Variants in DENND1B observed in about 807,000 individuals in gnomAD.
DENND1B encodes DENN domain containing 1B.
A neutral mutation model predicts 90.1 loss-of-function variants in DENND1B; 59 were observed. That is an observed-to-expected ratio of 0.65 (90% CI 0.53 to 0.81). The LOEUF (loss-of-function observed/expected upper bound fraction) is 0.81, where lower values mean the gene tolerates loss of function less well. Among genes scored for constraint, DENND1B ranks in the 40% least tolerant of loss-of-function variants. The probability of loss-of-function intolerance (pLI) is 0.00; values close to 1 mark genes in which losing one functional copy is unlikely to be tolerated. For synonymous variants in DENND1B, 337 were observed against 324.6 expected (o/e 1.04, Z -0.41); for missense variants, 862 against 912.6 (o/e 0.94, Z 0.71).
chr1:197,737,722 GA>G (rs993823187), intron 2 of DENND1B, among the ~76,000 whole-genome samples: 2 of 152,072 alleles, frequency 1.3e-5, no homozygotes, highest in Non-Finnish European at 2.9e-5. Context: ...TACAGGTAGG[GA>G]AGCCTCAAGA....
At chr1:197,536,139 T>TGAGAGAGA (rs34670774) in intron 20 of DENND1B, among the ~76,000 whole-genome samples, 44 of 121,900 alleles carry the variant, frequency 3.6e-4, no homozygotes, top group South Asian at 5.9e-4. Flanking sequence ...AGAGAGAGAT[T>TGAGAGAGA]GAGAGAGAGA....
intron 2 of DENND1B, among the ~76,000 whole-genome samples, chr1:197,759,742 C>CAAA (rs1196523150): frequency 0.02 from 754 of 38,022 alleles, 98 homozygotes; most frequent in African/African-American, 0.06. Flanking sequence ...GACTCCGTCT[C>CAAA]AAAAAAAAAA....
chr1:197,630,383 C>T (rs926640756), intron 10 of DENND1B, among the ~76,000 whole-genome samples: 54 of 152,176 alleles, frequency 3.5e-4, no homozygotes, highest in African/African-American at 9.4e-4. Context: ...CATCCTCACA[C>T]GGCAGGAGGG....
intron 3 of DENND1B, among the ~76,000 whole-genome samples, chr1:197,708,206 C>A (rs1382701030): frequency 1.2e-5 from 1 of 81,762 alleles, no homozygotes; most frequent in African/African-American, 4.9e-5. Context: ...CCGGGAAGCT[C>A]GAACTGGGTG....
At chr1:197,707,962 G>A (rs562285355) in intron 3 of DENND1B, among the ~76,000 whole-genome samples, 77 of 152,162 alleles carry the variant, frequency 5.1e-4, no homozygotes, top group African/African-American at 1.6e-3. Flanking sequence ...AAAGAAAGGG[G>A]TGACGGCCGC....
rs1417544905 is a variant in DENND1B, at chr1:197,511,878, T to C, written c.1665A>G (p.Thr555=). ...YLYESDDSVE[T]RVKTPYSGEM... ...CACCTGAGTAAGGAGTCTTCACTCT[T>C]GTTTCAACAGAGTCATCACTCTCAT... The change falls in exon 22 of 23, where the codon ACA becomes ACG. Residue 555 remains threonine, a synonymous_variant. Coordinates refer to ENST00000620048, the MANE Select transcript of DENND1B (RefSeq NM_001195215.2). The C allele has an allele frequency of 1.2e-6, 2 of 1,611,164 alleles. No individual in the cohort carries two copies. Among genetic ancestry groups the C allele is most frequent in the Non-Finnish European group, 1.7e-6 (2 of 1,178,180 alleles).
intron 8 of DENND1B, among the ~76,000 whole-genome samples, chr1:197,646,426 C>T (rs981924776): frequency 3.3e-5 from 5 of 151,832 alleles, no homozygotes; most frequent in African/African-American, 1.2e-4. Context: ...ATAAAGAATA[C>T]ATTGTGTATA....
At chr1:197,725,392 A>G (rs909010343) in intron 2 of DENND1B, among the ~76,000 whole-genome samples, 1 of 152,160 alleles carries the variant, frequency 6.6e-6, no homozygotes, top group Non-Finnish European at 1.5e-5. Flanking sequence ...TGAAAGATTT[A>G]CCAAGAATAG....
intron 11 of DENND1B, among the ~76,000 whole-genome samples, chr1:197,616,918 C>A (rs1352389959): frequency 6.6e-6 from 1 of 151,022 alleles, no homozygotes; most frequent in Admixed American, 6.6e-5. Context: ...ACATTTCCCC[C>A]CCTAGTCTTG....
At chr1:197,706,173 T>A (rs79481749) in intron 3 of DENND1B, among the ~76,000 whole-genome samples, 1 of 152,212 alleles carries the variant, frequency 6.6e-6, no homozygotes, top group Non-Finnish European at 1.5e-5. Context: ...GCTAAGTTTG[T>A]GTATTCTGAA....
intron 3 of DENND1B, among the ~76,000 whole-genome samples, chr1:197,714,652 A>T (rs1305214056): frequency 6.6e-6 from 1 of 152,160 alleles, no homozygotes; most frequent in Non-Finnish European, 1.5e-5. Flanking sequence ...TATGGCAGTA[A>T]CGCTTACTTC....
chr1:197,780,641 T>C (rs1399151107), upstream of DENND1B, among the ~76,000 whole-genome samples: 1 of 152,090 alleles, frequency 6.6e-6, no homozygotes, highest in African/African-American at 2.4e-5. Flanking sequence ...TTGTCCCCCA[T>C]CCTCCACCCC....
chr1:197,584,332 C>T (rs1294124559), intron 14 of DENND1B, among the ~76,000 whole-genome samples: 1 of 152,106 alleles, frequency 6.6e-6, no homozygotes, highest in African/African-American at 2.4e-5. Context: ...TGTACTGTCA[C>T]ATTCAGTAGA....
At position 197,724,118 on chromosome 1, in the gene DENND1B, G is replaced by A. The variant is rs553757238; in HGVS notation, c.83-9044C>T. ...GTACAGTAAACTTCTAATACTCCTG[G>A]ATATAACAGACACAGTTCCAATGAC... On this transcript the variant is annotated intron_variant, in intron 2 of 22. Transcript: ENST00000620048. Among the ~76,000 whole-genome samples, 3 of 151,994 alleles carry A rather than the reference G, an allele frequency of 2.0e-5. No homozygotes were observed. In the East Asian group the frequency reaches 5.8e-4, roughly 29 times the overall value.
chr1:197,578,964 A>G (rs536034956), intron 15 of DENND1B, among the ~76,000 whole-genome samples: 21 of 152,158 alleles, frequency 1.4e-4, no homozygotes, highest in Admixed American at 2.0e-4. Context: ...GGGTTTCACT[A>G]TGCTGCCCAG....
At chr1:197,641,117 G>A (rs944474141) in intron 10 of DENND1B, among the ~76,000 whole-genome samples, 6 of 152,224 alleles carry the variant, frequency 3.9e-5, no homozygotes, top group Middle Eastern at 6.8e-3. Flanking sequence ...CATGCCAGTC[G>A]AATATGGTTA....
Position 197,553,124 on chromosome 1 carries a change from A to G in DENND1B, c.1150-12T>C, listed in dbSNP as rs1240417146. On this transcript the variant is annotated splice_polypyrimidine_tract_variant and intron_variant, in intron 15 of 22. Coordinates refer to ENST00000620048, the MANE Select transcript of DENND1B (RefSeq NM_001195215.2). ...CGACCATCGATAAACTAGAATTAAA[A>G]AGTGTCAAATAAAATGTATCAAATA... 3.9e-6 allele frequency: 6 copies of G among 1,526,884 alleles called. No homozygotes were observed. Among genetic ancestry groups the G allele is most frequent in the Non-Finnish European group, 4.4e-6 (5 of 1,141,194 alleles). 94.6% of individuals were successfully genotyped at this position (1,526,884 alleles called of 1,614,324 possible).
chr1:197,601,917 AT>A (rs1367560687), intron 13 of DENND1B, among the ~76,000 whole-genome samples: 1 of 151,694 alleles, frequency 6.6e-6, no homozygotes, highest in Non-Finnish European at 1.5e-5. Context: ...AGCAAAATCT[AT>A]AATAGTTTAC....
chr1:197,622,601 G>C (rs1678273527), intron 10 of DENND1B, among the ~76,000 whole-genome samples: 1 of 151,420 alleles, frequency 6.6e-6, no homozygotes, highest in Admixed American at 6.6e-5. Context: ...ATGATAGACA[G>C]AGATCTGATT....
Sources: gnomAD v4.1 joint callset for allele counts (sites outside exome capture counted in the v4.1 genomes callset) on GRCh38, gnomAD v4.1.1 for gene constraint, MANE v1.5 for transcripts, NCBI Gene and HGNC (gene_info 2026-07-23, HGNC 2026-07-21) for gene names.